CD44: variants seen among roughly 807,000 people sequenced by gnomAD.
CD44 encodes CD44 antigen.
A neutral mutation model predicts 88.8 loss-of-function variants in CD44; 49 were observed. The ratio of observed to expected loss-of-function variants is 0.55; its 90% CI spans 0.44 to 0.70. The LOEUF (loss-of-function observed/expected upper bound fraction) is 0.70, where lower values mean the gene tolerates loss of function less well. Ranked by LOEUF, CD44 falls within the 30% of genes least tolerant of loss-of-function variation. The pLI is 0.00. For missense variants in CD44, 883 were observed against 913.8 expected (o/e 0.97, Z 0.43); for synonymous variants, 325 against 312.3 (o/e 1.04, Z -0.43).
chr11:35,222,273 C>T (rs1386939297), intron 17 of CD44: 1 of 509,186 alleles, frequency 2.0e-6, no homozygotes, highest in African/African-American at 2.0e-5. Flanking sequence ...GAAGTATTGG[C>T]CTTGTGCTTT....
At chr11:35,209,601 A>T (rs1353460768) in intron 12 of CD44, among the ~76,000 whole-genome samples, 1 of 152,110 alleles carries the variant, frequency 6.6e-6, no homozygotes, top group Non-Finnish European at 1.5e-5. Flanking sequence ...TGATAGGAGC[A>T]TTGGGATTCA....
rs1949317883 is a variant in CD44, at chr11:35,221,700, T to C, written c.1992T>C (p.Leu664=). 1 of 1,614,170 alleles carries C rather than the reference T, an allele frequency of 6.2e-7. No homozygotes were observed. The highest frequency in any genetic ancestry group is 1.3e-5 in the African/African-American group (1 of 75,072). ...LASLLALALI[L]AVCIAVNSRR... ...CCCTCTTGGCCTTGGCTTTGATTCT[T>C]GCAGTTTGCATTGCAGTCAACAGTC... Residue 664 remains leucine (L), a synonymous_variant, in exon 17 of 18, where the codon CTT becomes CTC. Transcript: ENST00000428726.
At chr11:35,146,845 C>T (rs1371528937) in intron 1 of CD44, among the ~76,000 whole-genome samples, 5 of 152,142 alleles carry the variant, frequency 3.3e-5, no homozygotes, top group African/African-American at 7.2e-5. Context: ...TGGGTGAGGT[C>T]ATAACATCCA....
chr11:35,227,764 C>A (rs927675908), intron 17 of CD44, among the ~76,000 whole-genome samples: 5 of 152,220 alleles, frequency 3.3e-5, no homozygotes, highest in African/African-American at 9.6e-5. Flanking sequence ...GCAAAGTGAA[C>A]AATTCTGACT....
chr11:35,141,583 C>A (rs1857943742), intron 1 of CD44, among the ~76,000 whole-genome samples: 1 of 152,196 alleles, frequency 6.6e-6, no homozygotes, highest in Non-Finnish European at 1.5e-5. Context: ...CTCCTTCCAA[C>A]CTGTCTCCCC....
intron 3 of CD44, among the ~76,000 whole-genome samples, chr11:35,184,149 GC>G (rs1167069525): frequency 6.6e-6 from 1 of 152,138 alleles, no homozygotes; most frequent in Non-Finnish European, 1.5e-5. Context: ...ATCTAATAAG[GC>G]CCTGGAATCC....
At chr11:35,195,281 A>C (rs548218132) in intron 5 of CD44, among the ~76,000 whole-genome samples, 6 of 152,200 alleles carry the variant, frequency 3.9e-5, no homozygotes, top group Non-Finnish European at 8.8e-5. Flanking sequence ...TAAACATGGA[A>C]AAATTATTCT....
chr11:35,214,869 C>T lies in CD44; in HGVS notation c.1828C>T (p.His610Tyr). 1.9e-6 allele frequency: 3 copies of T among 1,556,814 alleles called. No homozygotes were observed. The highest frequency in any genetic ancestry group is 2.6e-6 in the Non-Finnish European group (3 of 1,151,410). ...RSLSGDQDTF[H>Y]PSGGSHTTHG... ...CATTACAGGAGACCAAGACACATTCCACCCCAGTGGGGGGTCCCATACCAC... is the reference window on the plus strand; with the variant it reads ...CATTACAGGAGACCAAGACACATTCTACCCCAGTGGGGGGTCCCATACCAC... Residue 610 changes from histidine to tyrosine, a missense_variant, in exon 15 of 18, where the codon CAC becomes TAC. Coordinates refer to ENST00000428726, the MANE Select transcript of CD44 (RefSeq NM_000610.4).
intron 7 of CD44, chr11:35,198,564 G>A (rs899205806): frequency 7.9e-6 from 2 of 251,928 alleles, no homozygotes; most frequent in Non-Finnish European, 1.5e-5. Context: ...AATGTACATT[G>A]TGTACTTACT....
At position 35,139,411 on chromosome 11, in the gene CD44, G is replaced by C. The variant is rs768187194; in HGVS notation, c.67+41G>C. 7.0e-5 allele frequency: 107 copies of C among 1,534,416 alleles called. 1 individual carries two copies. In the Middle Eastern group the frequency reaches 2.7e-3, roughly 39 times the overall value. ...AGCCTGGGCAGCAAGATGGGTGCGG[G>C]GTGCTCAGCGCGGACCCGGCGGCAG... On this transcript the variant is annotated intron_variant, in intron 1 of 17. Transcript: ENST00000428726.
intron 1 of CD44, among the ~76,000 whole-genome samples, chr11:35,140,902 T>C (rs768948087): frequency 6.6e-6 from 1 of 151,880 alleles, no homozygotes; most frequent in Non-Finnish European, 1.5e-5. Flanking sequence ...ACACCTGTAG[T>C]CCCAGCTGCT....
chr11:35,219,511 G>A, intron 16 of CD44, 124 bp downstream of exon 16: 1 of 702,536 alleles, frequency 1.4e-6, no homozygotes, highest in Non-Finnish European at 2.6e-6. Flanking sequence ...GAATCCAATT[G>A]CTCCTCTTTA....
At chr11:35,205,235 C>T (rs1255654836) in intron 10 of CD44, among the ~76,000 whole-genome samples, 1 of 152,142 alleles carries the variant, frequency 6.6e-6, no homozygotes, top group Non-Finnish European at 1.5e-5. Context: ...TAAGTGATAC[C>T]AGATAACTTG....
At chr11:35,214,978 C>T (rs374821507) in intron 15 of CD44, 64 bp downstream of exon 15, 4 of 996,492 alleles carry the variant, frequency 4.0e-6, no homozygotes, top group Admixed American at 2.7e-5. Flanking sequence ...TGACTACCAA[C>T]GAAGTATGAG....
chr11:35,229,533 A>G lies in CD44; in HGVS notation c.*200A>G, dbSNP rs1949956619. On this transcript the variant is annotated 3_prime_UTR_variant, in exon 18 of 18. Coordinates refer to ENST00000428726, the MANE Select transcript of CD44 (RefSeq NM_000610.4). ...TTGTAAAAACAGCATTGCTTTCTGA[A>G]ATTAGGGCCCAATTAATAATCAGCA... 1.8e-6 allele frequency: 1 copy of G among 553,546 alleles called. No individual in the cohort carries two copies. Among genetic ancestry groups the G allele is most frequent in the African/African-American group, 1.9e-5 (1 of 53,030 alleles). The allele number at this position is 553,546 out of a possible 1,614,324, so 34.3% of individuals were successfully genotyped here.
At chr11:35,149,624 T>G (rs1859919815) in intron 1 of CD44, among the ~76,000 whole-genome samples, 1 of 152,228 alleles carries the variant, frequency 6.6e-6, no homozygotes, top group African/African-American at 2.4e-5. Context: ...TTTTTCCATG[T>G]GTAAAATGCG....
intron 16 of CD44, among the ~76,000 whole-genome samples, chr11:35,220,814 T>C (rs1436038968): frequency 6.8e-6 from 1 of 146,096 alleles, no homozygotes; most frequent in African/African-American, 2.5e-5. Flanking sequence ...TTGCCCAGGC[T>C]GGAGTGCAGT....
intron 1 of CD44, among the ~76,000 whole-genome samples, chr11:35,174,227 C>A (rs921216779): frequency 2.6e-4 from 40 of 152,302 alleles, no homozygotes; most frequent in African/African-American, 9.6e-4. Flanking sequence ...CTTCCCTGAG[C>A]CTCAACTTTC....
chr11:35,195,726 A>G (rs1439270510), intron 5 of CD44, among the ~76,000 whole-genome samples: 1 of 152,042 alleles, frequency 6.6e-6, no homozygotes, highest in Non-Finnish European at 1.5e-5. Flanking sequence ...CAGTCTTTGG[A>G]GATTTTTAAA....
Sources: gnomAD v4.1 joint callset for allele counts (sites outside exome capture counted in the v4.1 genomes callset) on GRCh38, gnomAD v4.1.1 for gene constraint, MANE v1.5 for transcripts, NCBI Gene and HGNC (gene_info 2026-07-23, HGNC 2026-07-21) for gene names.